NFIA: variants seen among roughly 807,000 people sequenced by gnomAD.
The protein encoded by NFIA is nuclear factor 1 A-type.
Under a neutral mutation model 62.8 loss-of-function variants are expected in NFIA, and 8 were observed. The observed-to-expected ratio is 0.13, with a 90% confidence interval of 0.07 to 0.23. The LOEUF is 0.23. NFIA is among the 10% of genes least tolerant of loss of function. The pLI, the probability that NFIA is intolerant of heterozygous loss-of-function variation, is 1.00. For missense variants in NFIA, 410 were observed against 642.1 expected (o/e 0.64, Z 3.91); for synonymous variants, 235 against 238.1 (o/e 0.99, Z 0.12).
chr1:61,108,878 A>C (rs937379934), intron 2 of NFIA, among the ~76,000 whole-genome samples: 2 of 151,792 alleles, frequency 1.3e-5, no homozygotes, highest in Admixed American at 6.6e-5. Flanking sequence ...AGTATCTGTT[A>C]ATTAGTGGGT....
At chr1:61,189,913 A>G (rs1367231836) in intron 2 of NFIA, among the ~76,000 whole-genome samples, 1 of 152,162 alleles carries the variant, frequency 6.6e-6, no homozygotes, top group African/African-American at 2.4e-5. Flanking sequence ...GGATCTGGGG[A>G]ACTTTAGTTC....
chr1:61,405,816 TG>T (rs1665788457), intron 8 of NFIA, among the ~76,000 whole-genome samples: 1 of 152,208 alleles, frequency 6.6e-6, no homozygotes, highest in Admixed American at 6.5e-5. Context: ...GGGAATTTTT[TG>T]TTAAAGAGCT....
chr1:61,133,931 T>G (rs940706238), intron 2 of NFIA, among the ~76,000 whole-genome samples: 1 of 152,056 alleles, frequency 6.6e-6, no homozygotes, highest in Non-Finnish European at 1.5e-5. Context: ...CAGACCAGCC[T>G]GGCCAACATG....
intron 1 of NFIA, among the ~76,000 whole-genome samples, chr1:61,085,273 TA>T (rs1281408937): frequency 6.6e-6 from 1 of 152,188 alleles, no homozygotes; most frequent in Non-Finnish European, 1.5e-5. Context: ...GTACTGTCCA[TA>T]TAATGATAAC....
At chr1:61,209,353 C>T (rs1411011624) in intron 2 of NFIA, among the ~76,000 whole-genome samples, 4 of 152,052 alleles carry the variant, frequency 2.6e-5, no homozygotes, top group Non-Finnish European at 1.5e-5. Flanking sequence ...GGTTTCCCTT[C>T]CCCTAAATGG....
chr1:61,155,216 A>G (rs1648704316), intron 2 of NFIA, among the ~76,000 whole-genome samples: 1 of 152,200 alleles, frequency 6.6e-6, no homozygotes, highest in Admixed American at 6.5e-5. Flanking sequence ...CTGAGCGTTG[A>G]GGTTTTTCTC....
intron 8 of NFIA, among the ~76,000 whole-genome samples, chr1:61,405,572 T>C (rs937122839): frequency 3.3e-5 from 5 of 152,102 alleles, no homozygotes; most frequent in Admixed American, 1.3e-4. Flanking sequence ...ACTGTTGTCG[T>C]TGGTTGAATA....
intron 3 of NFIA, among the ~76,000 whole-genome samples, chr1:61,332,025 A>C (rs1661326555): frequency 6.6e-6 from 1 of 152,200 alleles, no homozygotes; most frequent in Non-Finnish European, 1.5e-5. Flanking sequence ...TTGACTTTTT[A>C]AAAATTCACC....
At chr1:61,256,033 C>T (rs1656370880) in intron 2 of NFIA, among the ~76,000 whole-genome samples, 1 of 152,128 alleles carries the variant, frequency 6.6e-6, no homozygotes, top group Admixed American at 6.5e-5. Context: ...CTTTTGGCTT[C>T]CCTCGACCAC....
At chr1:61,269,665 GTGT>G (rs1297735269) in intron 2 of NFIA, among the ~76,000 whole-genome samples, 1 of 152,176 alleles carries the variant, frequency 6.6e-6, no homozygotes, top group Non-Finnish European at 1.5e-5. Context: ...TATCCAGACA[GTGT>G]TGTCTGATAA....
intron 2 of NFIA, among the ~76,000 whole-genome samples, chr1:61,163,737 G>T (rs185128570): frequency 2.2e-4 from 34 of 152,270 alleles, no homozygotes; most frequent in African/African-American, 7.2e-4. Flanking sequence ...TACTTTGTTG[G>T]TTTTAATGGT....
At chr1:61,287,021 C>T (rs1658545796) in intron 3 of NFIA, among the ~76,000 whole-genome samples, 1 of 152,024 alleles carries the variant, frequency 6.6e-6, no homozygotes, top group Admixed American at 6.6e-5. Context: ...AGCAGGAAGG[C>T]AAATCATATT....
chr1:61,420,376 C>CT (rs1294554581), intron 9 of NFIA, among the ~76,000 whole-genome samples: 1,466 of 142,838 alleles, frequency 0.01, 17 homozygotes, highest in African/African-American at 0.035. Flanking sequence ...CTCACAGGAC[C>CT]TTTTTTTTTT....
chr1:61,286,427 C>A (rs982964730), intron 3 of NFIA, among the ~76,000 whole-genome samples: 1,249 of 107,814 alleles, frequency 0.012, no homozygotes, highest in Middle Eastern at 0.035. Context: ...GACTCTGTCT[C>A]AAAAAAAAAA....
At chr1:61,344,984 C>G (rs1662139399) in intron 4 of NFIA, among the ~76,000 whole-genome samples, 1 of 152,172 alleles carries the variant, frequency 6.6e-6, no homozygotes, top group Non-Finnish European at 1.5e-5. Flanking sequence ...GGGTTGGCTA[C>G]TAAAATAACC....
chr1:61,359,912 AT>A (rs1663191874), intron 6 of NFIA, among the ~76,000 whole-genome samples: 1 of 152,108 alleles, frequency 6.6e-6, no homozygotes, highest in African/African-American at 2.4e-5. Context: ...TTTTTATACT[AT>A]CTTTTGGTTT....
Position 61,319,885 on chromosome 1 carries a change from T to G in NFIA, c.626-12627T>G, listed in dbSNP as rs141766989. Among the ~76,000 whole-genome samples, 42 of 151,636 alleles carry G rather than the reference T, an allele frequency of 2.8e-4. 2 individuals carry two copies. The East Asian group carries it at 7.9e-3, about 29-fold the overall frequency. Reference sequence around the variant, plus strand: ...TAAGCCAGGACCAGGAAACAATTTCTAATCAGCACTCTGATCTGGGCAGAG... The same window carrying G: ...TAAGCCAGGACCAGGAAACAATTTCGAATCAGCACTCTGATCTGGGCAGAG... On this transcript the variant is annotated intron_variant, in intron 3 of 10. Transcript: ENST00000403491.
intron 2 of NFIA, among the ~76,000 whole-genome samples, chr1:61,221,671 T>A (rs886885370): frequency 2.6e-5 from 4 of 152,124 alleles, no homozygotes; most frequent in Non-Finnish European, 5.9e-5. Context: ...AAATTTGATA[T>A]AAAATTGTGG....
chr1:61,081,843 A>G (rs1646099297), upstream of NFIA: 1 of 1,508,308 alleles, frequency 6.6e-7, no homozygotes, highest in Admixed American at 2.1e-5. Flanking sequence ...TTCCCACAGA[A>G]AGCTTCGCTG....
Sources: gnomAD v4.1 joint callset for allele counts (sites outside exome capture counted in the v4.1 genomes callset) on GRCh38, gnomAD v4.1.1 for gene constraint, MANE v1.5 for transcripts, NCBI Gene and HGNC (gene_info 2026-07-23, HGNC 2026-07-21) for gene names.